XIAP: variants seen among roughly 807,000 people sequenced by gnomAD.
XIAP encodes the protein E3 ubiquitin-protein ligase XIAP.
In XIAP, 3 loss-of-function variants were observed where a neutral mutation model predicts 33.1. That is an observed-to-expected ratio of 0.09 (90% CI 0.04 to 0.23). XIAP has a LOEUF of 0.23. Among genes scored for constraint, XIAP ranks in the 10% least tolerant of loss-of-function variants. The pLI, the probability that XIAP is intolerant of heterozygous loss-of-function variation, is 1.00. For missense variants in XIAP, 264 were observed against 363.0 expected, an observed-to-expected ratio of 0.73 and a Z score of 2.22; for synonymous variants, 98 against 121.3, an observed-to-expected ratio of 0.81 and a Z score of 1.26.
intron 1 of XIAP, among the ~76,000 whole-genome samples, chrX:123,866,166 C>G (rs1467699827): frequency 9.1e-6 from 1 of 109,566 alleles, no homozygotes; most frequent in African/African-American, 3.3e-5. Flanking sequence ...GCCTCGAACT[C>G]CTGACCTCGT....
Position 123,913,028 on chromosome X carries a change from G to C in XIAP, c.*5847G>C, listed in dbSNP as rs1194116452. The C allele has an allele frequency of 3.4e-6, 1 of 295,623 alleles. No individual in the cohort carries two copies. Among genetic ancestry groups the C allele is most frequent in the Non-Finnish European group, 6.6e-6 (1 of 151,931 alleles). 24.4% of individuals were successfully genotyped at this position (295,623 alleles called of 1,213,427 possible). A position where few individuals can be genotyped will look rare whatever the true frequency, so the allele number is the denominator to read the frequency against. ...ACTCCTGATCTCAGGTGATCTGCCT[G>C]CCTCGGCCTCACAAAGTGCTGGGAT... On this transcript the variant is annotated 3_prime_UTR_variant, in exon 7 of 7. Transcript: ENST00000371199.
At chrX:123,892,921 A>T (rs1339431039) in intron 5 of XIAP, 148 bp downstream of exon 5, 1 of 486,026 alleles carries the variant, frequency 2.1e-6, no homozygotes, top group Non-Finnish European at 3.4e-6. Context: ...CCCGGGTTCA[A>T]CCGATTCTCC....
chrX:123,902,071 A>G (rs1384529227), intron 6 of XIAP, among the ~76,000 whole-genome samples: 1 of 112,069 alleles, frequency 8.9e-6, no homozygotes, highest in Non-Finnish European at 1.9e-5. Context: ...TATAACAGAA[A>G]CACAAGCAAT....
intron 4 of XIAP, among the ~76,000 whole-genome samples, chrX:123,891,519 G>C: frequency 9.0e-6 from 1 of 111,344 alleles, no homozygotes; most frequent in Middle Eastern, 4.7e-3. Context: ...TGTATGATGG[G>C]CTTTAAAGAT....
At chrX:123,888,257 C>T (rs769169471) in intron 2 of XIAP, among the ~76,000 whole-genome samples, 167 of 111,617 alleles carry the variant, frequency 1.5e-3, no homozygotes, top group African/African-American at 5.3e-3. Flanking sequence ...ATCGCTTGAA[C>T]TCAGGAGGCA....
chrX:123,900,447 A>C (rs1352096604), intron 5 of XIAP, 46 bp from the exon 6 acceptor site: 1 of 1,076,035 alleles, frequency 9.3e-7, no homozygotes, highest in South Asian at 1.9e-5. Context: ...AATGAAAATA[A>C]TTGTTTAAAT....
At chrX:123,879,470 C>T (rs1234162971) in intron 1 of XIAP, among the ~76,000 whole-genome samples, 2 of 107,869 alleles carry the variant, frequency 1.9e-5, no homozygotes, top group Non-Finnish European at 3.8e-5. Flanking sequence ...GCGCCCGCCA[C>T]CATCCCAGCT....
chrX:123,869,973 T>A (rs75583253), intron 1 of XIAP, among the ~76,000 whole-genome samples: 2 of 110,771 alleles, frequency 1.8e-5, no homozygotes, highest in African/African-American at 3.2e-5. Context: ...TTTTTTTTTT[T>A]AATTGAGACG....
At chrX:123,896,187 C>G (rs981561225) in intron 5 of XIAP, among the ~76,000 whole-genome samples, 1 of 111,152 alleles carries the variant, frequency 9.0e-6, no homozygotes, top group Non-Finnish European at 1.9e-5. Flanking sequence ...CTGCCTCAGT[C>G]TTCCGGGTAG....
At chrX:123,905,352 G>C (rs910145405) in intron 6 of XIAP, among the ~76,000 whole-genome samples, 2 of 111,774 alleles carry the variant, frequency 1.8e-5, no homozygotes, top group Non-Finnish European at 3.8e-5. Flanking sequence ...CTTGGAGCTT[G>C]TTTATGCTGT....
chrX:123,908,340 T>C lies in XIAP; in HGVS notation c.*1159T>C, dbSNP rs1476983154. On this transcript the variant is annotated 3_prime_UTR_variant, in exon 7 of 7. Transcript: ENST00000371199. ...ATTTTGTAAAATGAAATATAAAATA[T>C]GTCTCAGATCTTCCAATTAATTAGT... 5.4e-6 allele frequency: 2 copies of C among 371,419 alleles called. No homozygotes were observed. Among genetic ancestry groups the C allele is most frequent in the Admixed American group, 6.0e-5 (2 of 33,362 alleles). 30.6% of individuals were successfully genotyped at this position (371,419 alleles called of 1,213,427 possible).
chrX:123,876,498 A>G (rs917941939), intron 1 of XIAP, among the ~76,000 whole-genome samples: 9 of 111,020 alleles, frequency 8.1e-5, no homozygotes, highest in African/African-American at 2.6e-4. Context: ...GAGTCCAGGA[A>G]TTCCAGACCA....
At chrX:123,896,443 TA>T (rs1438097577) in intron 5 of XIAP, among the ~76,000 whole-genome samples, 1 of 111,607 alleles carries the variant, frequency 9.0e-6, no homozygotes, top group East Asian at 2.8e-4. Flanking sequence ...GTTATTGAGT[TA>T]AAAGAGATCT....
chrX:123,907,103 A>G lies in XIAP; in HGVS notation c.1416A>G (p.Lys472=), dbSNP rs777650841. 28 of 1,210,434 alleles carry G rather than the reference A, an allele frequency of 2.3e-5. No individual in the cohort carries two copies. The East Asian group carries it at 4.7e-4, about 20-fold the overall frequency. Residue 472 remains lysine (K), a synonymous_variant, in exon 7 of 7, where the codon AAA becomes AAG. Transcript: ENST00000371199. ...FVPCGHLVTC[K]QCAEAVDKCP... is the part of the protein sequence containing the mutation. ...CTTGTGGACATCTAGTCACTTGTAA[A>G]CAATGTGCTGAAGCAGTTGACAAGT...
chrX:123,860,041 C>T (rs1046143722), upstream of XIAP: 21 of 322,256 alleles, frequency 6.5e-5, no homozygotes, highest in Non-Finnish European at 1.0e-4. Flanking sequence ...GGACCGCGCC[C>T]GGTGTCTCTT....
intron 5 of XIAP, among the ~76,000 whole-genome samples, chrX:123,895,194 A>T (rs952108166): frequency 9.0e-6 from 1 of 111,525 alleles, no homozygotes; most frequent in African/African-American, 3.3e-5. Context: ...GTCTCTATGG[A>T]CTTGCCTATT....
intron 1 of XIAP, among the ~76,000 whole-genome samples, chrX:123,882,670 G>C (rs1346413717): frequency 8.9e-6 from 1 of 112,600 alleles, no homozygotes; most frequent in African/African-American, 3.2e-5. Context: ...TGTAATGTTG[G>C]CTTATGATGA....
At chrX:123,879,062 A>G (rs1163032480) in intron 1 of XIAP, 1 of 111,795 alleles carries the variant, frequency 8.9e-6, no homozygotes. Flanking sequence ...TAAAAACTTC[A>G]TCATTAACAG....
At chrX:123,874,756 G>A (rs1367504849) in intron 1 of XIAP, among the ~76,000 whole-genome samples, 3 of 101,137 alleles carry the variant, frequency 3.0e-5, no homozygotes, top group Non-Finnish European at 4.0e-5. Flanking sequence ...ATGCAGTGGC[G>A]CAATCTTGGC....
Sources: allele counts gnomAD v4.1 joint callset (sites outside exome capture counted in the v4.1 genomes callset), GRCh38; gene constraint gnomAD v4.1.1; transcripts MANE v1.5; gene names NCBI Gene and HGNC (gene_info 2026-07-23, HGNC 2026-07-21).